The following POT1 variants were observed in gnomAD, a reference collection of about 807,000 sequenced individuals.
POT1 encodes protection of telomeres protein 1.
A neutral mutation model predicts 78.5 loss-of-function variants in POT1; 47 were observed. That is an observed-to-expected ratio of 0.60 (90% confidence interval 0.47 to 0.76). The LOEUF is 0.76. POT1 is among the 30% of genes least tolerant of loss of function. The pLI is 0.00. For missense variants in POT1, 646 were observed against 749.9 expected (o/e 0.86, Z 1.62); for synonymous variants, 259 against 260.7 (o/e 0.99, Z 0.06).
rs764821384 is a variant in POT1 at position 124,892,346 on chromosome 7, T to C, written c.44A>G (p.Asn15Ser). The change falls in exon 6 of 19, where the codon AAT becomes AGT. Residue 15 changes from asparagine to serine, a missense_variant. Asn to Ser is a conservative substitution (Grantham distance 46, BLOSUM62 1). Transcript: ENST00000357628. ...PATNYIYTPLNQLKGGTIVNV... is the reference protein window; with the variant it reads ...PATNYIYTPLSQLKGGTIVNV... ...GACAATTGTACCACCCTTAAGTTGA[T>C]TCAGGGGTGTATATATATAATTTGT... The C allele has an allele frequency of 2.0e-6, 3 of 1,520,776 alleles. No homozygotes were observed. Among genetic ancestry groups the C allele is most frequent in the Admixed American group, 2.5e-5 (1 of 40,614 alleles). The allele number at this position is 1,520,776 out of a possible 1,614,324, so 94.2% of individuals were successfully genotyped here.
intron 6 of POT1, among the ~76,000 whole-genome samples, chr7:124,881,376 C>A (rs10226033): frequency 0.2 from 30,756 of 151,738 alleles, 3,786 homozygotes; most frequent in East Asian, 0.3. Context: ...TGGCACATGA[C>A]TGTACTTTAT....
intron 8 of POT1, among the ~76,000 whole-genome samples, chr7:124,862,485 A>C (rs1240333635): frequency 6.6e-6 from 1 of 152,208 alleles, no homozygotes; most frequent in Non-Finnish European, 1.5e-5. Flanking sequence ...AACTTTCTGC[A>C]GGGCATGTAT....
At chr7:124,844,908 C>A (rs1358315599) in intron 12 of POT1, among the ~76,000 whole-genome samples, 1 of 152,138 alleles carries the variant, frequency 6.6e-6, no homozygotes, top group Non-Finnish European at 1.5e-5. Flanking sequence ...CAAAGACCTT[C>A]TGTATAATAT....
Position 124,868,904 on chromosome 7 carries a change from T to C in POT1, c.255+2007A>G, listed in dbSNP as rs182356018. On this transcript the variant is annotated intron_variant, in intron 7 of 18. Coordinates refer to ENST00000357628, the MANE Select transcript of POT1 (RefSeq NM_015450.3). The stretch of plus-strand genomic sequence containing the variant: ...TATTTATAAACTTACAGATCAGAGA[T>C]GAAATCTATGATCAATGTAAAAATT... Among the ~76,000 whole-genome samples the C allele has an allele frequency of 2.5e-3, 374 of 151,882 alleles. 1 individual carries two copies. The highest frequency in any genetic ancestry group is 8.8e-3 in the African/African-American group (365 of 41,492).
In POT1 at chr7:124,852,966, G is replaced by T; in HGVS notation, c.869+6C>A. 1 of 1,607,582 alleles carries T rather than the reference G, an allele frequency of 6.2e-7. No homozygotes were observed. The highest frequency in any genetic ancestry group is 8.5e-7 in the Non-Finnish European group (1 of 1,177,234). On this transcript the variant is annotated splice_donor_region_variant and intron_variant, in intron 10 of 18. Coordinates refer to ENST00000357628, the MANE Select transcript of POT1 (RefSeq NM_015450.3). The stretch of plus-strand genomic sequence containing the variant: ...TATTTACATTTTCTAAATACTAAAA[G>T]CTTACTTTTTCAGTTGATCCACATC...
Position 124,892,312 on chromosome 7 carries a change from A to G in POT1, c.78T>C (p.Tyr26=). ...GGGGCTTAAAGAACTTCACAACACCATAGACATTGACAATTGTACCACCCT... is the reference window on the plus strand; with the variant it reads ...GGGGCTTAAAGAACTTCACAACACCGTAGACATTGACAATTGTACCACCCT... The part of the protein sequence containing the change: ...QLKGGTIVNV[Y]GVVKFFKPPY... Residue 26 remains tyrosine, a synonymous_variant, in exon 6 of 19, where the codon TAT becomes TAC. Transcript: ENST00000357628. 6.5e-7 allele frequency: 1 copy of G among 1,544,360 alleles called. No individual in the cohort carries two copies.
intron 13 of POT1, among the ~76,000 whole-genome samples, chr7:124,841,581 G>C (rs4731222): frequency 6.6e-6 from 1 of 151,542 alleles, no homozygotes; most frequent in Non-Finnish European, 1.5e-5. Context: ...CACTTAGGGA[G>C]AAGGGCACTT....
intron 2 of POT1, among the ~76,000 whole-genome samples, chr7:124,921,392 A>C (rs1411061343): frequency 6.6e-6 from 1 of 152,136 alleles, no homozygotes; most frequent in East Asian, 1.9e-4. Context: ...GCATCTGATA[A>C]TCATTTAAAT....
At chr7:124,889,212 T>C (rs1242258935) in intron 6 of POT1, among the ~76,000 whole-genome samples, 2 of 152,032 alleles carry the variant, frequency 1.3e-5, no homozygotes, top group Middle Eastern at 3.4e-3. Context: ...ACACAGAAAA[T>C]TTTAGTCGTC....
intron 9 of POT1, among the ~76,000 whole-genome samples, chr7:124,855,218 CAAAAAA>C (rs550056711): frequency 1.9e-5 from 1 of 52,494 alleles, no homozygotes; most frequent in African/African-American, 7.8e-5. Flanking sequence ...GAGAGGAGAG[CAAAAAA>C]AAAAAAAAAA....
At chr7:124,924,482 T>C (rs974137554) in intron 2 of POT1, among the ~76,000 whole-genome samples, 1 of 149,692 alleles carries the variant, frequency 6.7e-6, no homozygotes, top group Non-Finnish European at 1.5e-5. Flanking sequence ...GTATCAGTAA[T>C]AAAAAAATCC....
intron 10 of POT1, 122 bp downstream of exon 10, chr7:124,852,850 T>C: frequency 2.4e-6 from 2 of 837,510 alleles, no homozygotes; most frequent in Non-Finnish European, 3.6e-6. Context: ...GGCTCATCTA[T>C]TTAAAAACAT....
intron 3 of POT1, among the ~76,000 whole-genome samples, chr7:124,903,368 C>T (rs1349528595): frequency 5.3e-5 from 8 of 152,204 alleles, no homozygotes; most frequent in Non-Finnish European, 7.3e-5. Context: ...GATTAAGAAA[C>T]TTGCTCAAAA....
At chr7:124,911,121 T>C (rs1044274140) in intron 3 of POT1, among the ~76,000 whole-genome samples, 2 of 152,088 alleles carry the variant, frequency 1.3e-5, no homozygotes, top group Non-Finnish European at 2.9e-5. Flanking sequence ...TCTTAATAAT[T>C]TAGAAATGTC....
intron 3 of POT1, among the ~76,000 whole-genome samples, chr7:124,905,583 C>T (rs1304612790): frequency 1.3e-5 from 2 of 151,180 alleles, no homozygotes; most frequent in Non-Finnish European, 2.9e-5. Context: ...TGGGCAAGAA[C>T]TTCATGACTA....
intron 3 of POT1, among the ~76,000 whole-genome samples, chr7:124,908,561 G>A (rs775120853): frequency 6.6e-6 from 1 of 151,778 alleles, no homozygotes; most frequent in Non-Finnish European, 1.5e-5. Flanking sequence ...TATAACCCAA[G>A]TATCCCTGTG....
intron 3 of POT1, among the ~76,000 whole-genome samples, chr7:124,910,568 T>C (rs1017601056): frequency 6.6e-6 from 1 of 151,982 alleles, no homozygotes; most frequent in Non-Finnish European, 1.5e-5. Context: ...AAAAATTGGC[T>C]ATAATAAACG....
chr7:124,904,738 T>G (rs1259651380), intron 3 of POT1, among the ~76,000 whole-genome samples: 1 of 152,206 alleles, frequency 6.6e-6, no homozygotes, highest in Non-Finnish European at 1.5e-5. Context: ...ATTATATGTT[T>G]AGAAAACCCC....
chr7:124,909,931 G>A (rs943208200), intron 3 of POT1, among the ~76,000 whole-genome samples: 2 of 151,826 alleles, frequency 1.3e-5, no homozygotes, highest in African/African-American at 4.8e-5. Context: ...TCGATAGCAT[G>A]TATTTATTTT....
Sources: allele counts gnomAD v4.1 joint callset (sites outside exome capture counted in the v4.1 genomes callset), GRCh38; gene constraint gnomAD v4.1.1; transcripts MANE v1.5; gene names NCBI Gene and HGNC (gene_info 2026-07-23, HGNC 2026-07-21).